KIFAP3: variants seen among roughly 807,000 people sequenced by gnomAD.
The protein encoded by KIFAP3 is kinesin associated protein 3, also known as kinesin-associated protein 3.
KIFAP3 carries 68 observed loss-of-function variants against 106.5 expected under a neutral mutation model. That is an observed-to-expected ratio of 0.64 (90% confidence interval 0.53 to 0.78). The LOEUF (loss-of-function observed/expected upper bound fraction) is 0.78, where lower values mean the gene tolerates loss of function less well. Ranked by LOEUF, KIFAP3 falls within the 30% of genes least tolerant of loss-of-function variation. KIFAP3 has a pLI of 0.00. For synonymous variants in KIFAP3, 320 were observed against 311.5 expected, an observed-to-expected ratio of 1.03 and a Z score of -0.29; for missense variants, 780 against 941.8, an observed-to-expected ratio of 0.83 and a Z score of 2.25.
At chr1:170,074,781 G>T (rs28364674), upstream of KIFAP3, 204 of 1,216,632 alleles carry the variant, frequency 1.7e-4, 4 homozygotes, top group East Asian at 7.6e-3. Context: ...AGAGTTTGAC[G>T]CACCGGGGAG....
intron 1 of KIFAP3, among the ~76,000 whole-genome samples, chr1:170,073,532 G>A (rs1671794060): frequency 6.6e-6 from 1 of 152,146 alleles, no homozygotes; most frequent in Admixed American, 6.5e-5. Flanking sequence ...TTTTTTAAAA[G>A]TATTTCATCT....
At chr1:170,059,007 C>T (rs1484572510) in intron 1 of KIFAP3, among the ~76,000 whole-genome samples, 1 of 152,090 alleles carries the variant, frequency 6.6e-6, no homozygotes, top group African/African-American at 2.4e-5. Context: ...ATCTCTGGGA[C>T]ACATTTAAAG....
rs182937903 is a variant in KIFAP3 at position 170,021,208 on chromosome 1, T to C, written c.1020+3210A>G. Reference sequence around the variant, plus strand: ...AAACTGTCTAAAAGCCAGGCTGATATTAGTTCACATCAAGAGTAAAATAAA... The same window carrying C: ...AAACTGTCTAAAAGCCAGGCTGATACTAGTTCACATCAAGAGTAAAATAAA... On this transcript the variant is annotated intron_variant, in intron 9 of 19. Transcript: ENST00000361580. 2.4e-4 allele frequency among the ~76,000 whole-genome samples: 37 copies of C among 152,218 alleles called. No individual in the cohort carries two copies. The East Asian group carries it at 6.6e-3, about 27-fold the overall frequency.
At chr1:170,048,796 C>T (rs1670412799) in intron 2 of KIFAP3, among the ~76,000 whole-genome samples, 1 of 151,992 alleles carries the variant, frequency 6.6e-6, no homozygotes, top group South Asian at 2.1e-4. Context: ...GCTACCTGGC[C>T]CGGGTACTAT....
intron 1 of KIFAP3, among the ~76,000 whole-genome samples, chr1:170,069,369 C>A (rs767835671): frequency 6.6e-6 from 1 of 152,010 alleles, no homozygotes; most frequent in Non-Finnish European, 1.5e-5. Context: ...CATGAGGCCA[C>A]CATTACCCTG....
intron 10 of KIFAP3, among the ~76,000 whole-genome samples, chr1:170,011,782 C>T (rs1465537173): frequency 6.6e-6 from 1 of 151,916 alleles, no homozygotes; most frequent in Non-Finnish European, 1.5e-5. Context: ...AGCCAAAGAC[C>T]ACATATGTTA....
At chr1:169,978,838 G>A (rs906675514) in intron 15 of KIFAP3, among the ~76,000 whole-genome samples, 1 of 152,056 alleles carries the variant, frequency 6.6e-6, no homozygotes, top group South Asian at 2.1e-4. Flanking sequence ...GGTCAACAGA[G>A]TATCAAACCA....
intron 1 of KIFAP3, among the ~76,000 whole-genome samples, chr1:170,082,212 C>G (rs537825887): frequency 6.6e-6 from 1 of 152,214 alleles, no homozygotes; most frequent in African/African-American, 2.4e-5. Context: ...TCAATTGATA[C>G]AAATTGTGGG....
intron 8 of KIFAP3, among the ~76,000 whole-genome samples, chr1:170,031,570 C>A (rs1375883915): frequency 2.6e-5 from 4 of 151,544 alleles, no homozygotes; most frequent in African/African-American, 7.3e-5. Context: ...AAATAATTCA[C>A]TTTATAAAAC....
Position 170,046,862 on chromosome 1 carries a change from G to A in KIFAP3, c.169C>T (p.Arg57Ter). The change falls in exon 3 of 20, where the codon CGA (arginine) becomes TGA (stop). Residue 57 changes from arginine (R) to a stop codon, truncating the protein, a stop_gained. Transcript: ENST00000361580. LOFTEE classifies it high-confidence loss of function. ...GTGTTGGCATTGAGACTCTTAAGTCGAATGCTGTAAGTATAACAGAATTTT... is the reference window on the plus strand; with the variant it reads ...GTGTTGGCATTGAGACTCTTAAGTCAAATGCTGTAAGTATAACAGAATTTT... ...GERKECQKII[R>*]LKSLNANTDI... The A allele has an allele frequency of 1.3e-6, 2 of 1,596,878 alleles. No homozygotes were observed. Among genetic ancestry groups the A allele is most frequent in the Non-Finnish European group, 1.7e-6 (2 of 1,171,412 alleles).
intron 10 of KIFAP3, among the ~76,000 whole-genome samples, chr1:170,012,735 T>C (rs1284918663): frequency 6.6e-6 from 1 of 152,046 alleles, no homozygotes; most frequent in Non-Finnish European, 1.5e-5. Context: ...AATACAGACA[T>C]ACCCAAGACG....
Position 169,945,912 on chromosome 1 carries a change from A to T in KIFAP3, c.2273+8099T>A, listed in dbSNP as rs150448713. Among the ~76,000 whole-genome samples the T allele has an allele frequency of 3.2e-4, 49 of 152,292 alleles. No individual in the cohort carries two copies. The East Asian group carries it at 9.3e-3, about 29-fold the overall frequency. Reference sequence around the variant, plus strand: ...TTAAAGGTTATAGGCCCAATTTACTAATAAAACCTAATTCAATTCTCCTTG... The same window carrying T: ...TTAAAGGTTATAGGCCCAATTTACTTATAAAACCTAATTCAATTCTCCTTG... On this transcript the variant is annotated intron_variant, in intron 19 of 19. Transcript: ENST00000361580.
chr1:169,930,052 T>C (rs1003882872), intron 19 of KIFAP3, among the ~76,000 whole-genome samples: 2 of 152,188 alleles, frequency 1.3e-5, no homozygotes, highest in African/African-American at 2.4e-5. Flanking sequence ...AAGTTATACT[T>C]TTCTTATACA....
intron 19 of KIFAP3, among the ~76,000 whole-genome samples, chr1:169,945,229 T>G (rs1207947831): frequency 6.6e-6 from 1 of 152,120 alleles, no homozygotes; most frequent in Non-Finnish European, 1.5e-5. Flanking sequence ...TGGCTTCAAC[T>G]TTGCTGCAAA....
At chr1:169,986,992 C>T (rs1051643875) in intron 11 of KIFAP3, among the ~76,000 whole-genome samples, 4 of 151,808 alleles carry the variant, frequency 2.6e-5, no homozygotes, top group Non-Finnish European at 4.4e-5. Flanking sequence ...TTCCCCATAT[C>T]GAGCTAAATT....
At chr1:170,053,830 C>T (rs190895316) in intron 2 of KIFAP3, among the ~76,000 whole-genome samples, 1 of 152,164 alleles carries the variant, frequency 6.6e-6, no homozygotes, top group African/African-American at 2.4e-5. Flanking sequence ...TACACCTTAT[C>T]CAAATGTTAA....
intron 8 of KIFAP3, among the ~76,000 whole-genome samples, chr1:170,028,744 A>G (rs1194669783): frequency 6.6e-6 from 1 of 152,230 alleles, no homozygotes; most frequent in Non-Finnish European, 1.5e-5. Context: ...ATGGCACAAA[A>G]TACTTGACAG....
At chr1:170,037,067 C>T (rs1669727783) in intron 5 of KIFAP3, among the ~76,000 whole-genome samples, 1 of 151,978 alleles carries the variant, frequency 6.6e-6, no homozygotes, top group Admixed American at 6.6e-5. Flanking sequence ...TTCTAAAGTT[C>T]AAATCAAAAT....
intron 16 of KIFAP3, among the ~76,000 whole-genome samples, chr1:169,974,129 A>G (rs1435875639): frequency 6.6e-6 from 1 of 151,948 alleles, no homozygotes; most frequent in Admixed American, 6.6e-5. Flanking sequence ...GCATCCCAAA[A>G]GAAAAAAAAT....
Sources: gnomAD v4.1 joint callset for allele counts (sites outside exome capture counted in the v4.1 genomes callset) on GRCh38, gnomAD v4.1.1 for gene constraint, MANE v1.5 for transcripts, NCBI Gene and HGNC (gene_info 2026-07-23, HGNC 2026-07-21) for gene names.